Variants in MAN1C1 observed in about 807,000 individuals in gnomAD.
MAN1C1 encodes mannosidase alpha class 1C member 1, also known as mannosyl-oligosaccharide 1,2-alpha-mannosidase IC.
In MAN1C1, 49 loss-of-function variants were observed where a neutral mutation model predicts 71.5. That is an observed-to-expected ratio of 0.69 (90% CI 0.54 to 0.87). MAN1C1 has a LOEUF of 0.87. Among genes scored for constraint, MAN1C1 ranks in the 40% least tolerant of loss-of-function variants. The probability of loss-of-function intolerance (pLI) is 0.00; values close to 1 mark genes in which losing one functional copy is unlikely to be tolerated. For missense variants in MAN1C1, 743 were observed against 835.0 expected, an observed-to-expected ratio of 0.89 and a Z score of 1.36; for synonymous variants, 352 against 343.7, an observed-to-expected ratio of 1.02 and a Z score of -0.27.
At chr1:25,643,462 G>A (rs1045415581) in intron 1 of MAN1C1, among the ~76,000 whole-genome samples, 12 of 139,564 alleles carry the variant, frequency 8.6e-5, no homozygotes, top group African/African-American at 3.3e-4. Flanking sequence ...GTAGAGATGG[G>A]ATTTCACTGT....
At chr1:25,674,408 GC>G (rs1207453250) in intron 1 of MAN1C1, among the ~76,000 whole-genome samples, 3 of 152,222 alleles carry the variant, frequency 2.0e-5, no homozygotes, top group African/African-American at 4.8e-5. Context: ...GTGCTAGGGA[GC>G]AGTAATGAGC....
At chr1:25,639,959 G>A (rs968771958) in intron 1 of MAN1C1, among the ~76,000 whole-genome samples, 1 of 152,174 alleles carries the variant, frequency 6.6e-6, no homozygotes, top group African/African-American at 2.4e-5. Context: ...TTGAATTTCA[G>A]TATATTATAA....
chr1:25,702,421 C>T (rs919907122), intron 2 of MAN1C1, among the ~76,000 whole-genome samples: 3 of 152,180 alleles, frequency 2.0e-5, no homozygotes, highest in Admixed American at 2.0e-4. Flanking sequence ...CTCTGAGGGT[C>T]GGGGCTGCAG....
At position 25,771,760 on chromosome 1, in the gene MAN1C1, C is replaced by T. The variant is rs573023765; in HGVS notation, c.1245C>T (p.Tyr415=). 75 of 1,612,964 alleles carry T rather than the reference C, an allele frequency of 4.6e-5. No homozygotes were observed. In the Middle Eastern group the frequency reaches 3.3e-3, roughly 71 times the overall value. The part of the protein sequence containing the change: ...KTDMEAKNMY[Y]EALEAIETYL... ...ATATGGAGGCTAAAAATATGTACTACGAAGCCTTGGAGGTAAGACAAGCCC... is the reference window on the plus strand; with the variant it reads ...ATATGGAGGCTAAAAATATGTACTATGAAGCCTTGGAGGTAAGACAAGCCC... The change falls in exon 8 of 12, where the codon TAC becomes TAT. Residue 415 remains tyrosine, a synonymous_variant. Transcript: ENST00000374332.
intron 2 of MAN1C1, among the ~76,000 whole-genome samples, chr1:25,701,204 C>T (rs987107684): frequency 6.6e-6 from 1 of 152,196 alleles, no homozygotes; most frequent in Non-Finnish European, 1.5e-5. Context: ...TGGCTTCCTC[C>T]CCAGCCCAGG....
chr1:25,780,049 G>A (rs1476240477), intron 9 of MAN1C1, among the ~76,000 whole-genome samples: 1 of 152,144 alleles, frequency 6.6e-6, no homozygotes, highest in Non-Finnish European at 1.5e-5. Context: ...GACACATCCA[G>A]GGTCAAGTCC....
At chr1:25,681,576 T>TG (rs2046155157) in intron 1 of MAN1C1, among the ~76,000 whole-genome samples, 2 of 152,208 alleles carry the variant, frequency 1.3e-5, no homozygotes, top group Admixed American at 1.3e-4. Context: ...AGACACCAGC[T>TG]GAGGACCCAC....
chr1:25,775,676 AAGTGAC>A lies in MAN1C1; in HGVS notation c.1258-2427_1258-2422del, dbSNP rs1160053783. Among the ~76,000 whole-genome samples, 1 of 152,194 alleles carries A rather than the reference AAGTGAC, an allele frequency of 6.6e-6. No homozygotes were observed. The highest frequency in any genetic ancestry group is 2.4e-5 in the African/African-American group (1 of 41,456). On this transcript the variant is annotated intron_variant, in intron 8 of 11. Transcript: ENST00000374332. This position sits in a 1 kb window ranked among gnomAD's most constrained non-coding sequence, Gnocchi z 5.1. ...TTAAATTGGGGCATTCTCTCCAAGG[AAGTGAC>A]ATTCTGGAGGAGGTGGGGTTAGCAG...
chr1:25,773,568 T>G (rs1230872318), intron 8 of MAN1C1, among the ~76,000 whole-genome samples: 1 of 152,200 alleles, frequency 6.6e-6, no homozygotes, highest in Non-Finnish European at 1.5e-5. Context: ...GGTCAGAGAA[T>G]TAGTGTGCAG....
intron 2 of MAN1C1, among the ~76,000 whole-genome samples, chr1:25,738,496 G>A (rs2047013906): frequency 6.6e-6 from 1 of 152,148 alleles, no homozygotes; most frequent in Non-Finnish European, 1.5e-5. Flanking sequence ...AAACTTGGGG[G>A]CTTAAAACAA....
At chr1:25,770,019 C>T (rs1572209785) in intron 7 of MAN1C1, among the ~76,000 whole-genome samples, 2 of 152,260 alleles carry the variant, frequency 1.3e-5, no homozygotes, top group South Asian at 4.1e-4. Context: ...TCGTAGCTGC[C>T]GTGCCCATGA....
At position 25,782,793 on chromosome 1, in the gene MAN1C1, C is replaced by G; in HGVS notation, c.1766+93C>G. On this transcript the variant is annotated intron_variant, in intron 11 of 11. Transcript: ENST00000374332. This position sits in a 1 kb window ranked among gnomAD's most constrained non-coding sequence, Gnocchi z 4.4. ...CCCCTCCACAGTCAGGTTCTGTGGTCACAGGACGGGAGCCCAAAAGGGGTG... is the reference window on the plus strand; with the variant it reads ...CCCCTCCACAGTCAGGTTCTGTGGTGACAGGACGGGAGCCCAAAAGGGGTG... 1 of 971,954 alleles carries G rather than the reference C, an allele frequency of 1.0e-6. No homozygotes were observed. Among genetic ancestry groups the G allele is most frequent in the Non-Finnish European group, 1.6e-6 (1 of 618,574 alleles). The allele number at this position is 971,954 out of a possible 1,614,324, so 60.2% of individuals were successfully genotyped here. A position where few individuals can be genotyped will look rare whatever the true frequency, so the allele number is the denominator to read the frequency against.
chr1:25,640,469 A>G (rs2045521842), intron 1 of MAN1C1, among the ~76,000 whole-genome samples: 7 of 152,204 alleles, frequency 4.6e-5, no homozygotes. Flanking sequence ...CCCAGAAGCC[A>G]TTCTCCATGT....
intron 5 of MAN1C1, among the ~76,000 whole-genome samples, chr1:25,755,741 C>T (rs1200309622): frequency 1.3e-5 from 2 of 152,164 alleles, no homozygotes; most frequent in East Asian, 3.9e-4. Flanking sequence ...TTGATGATTA[C>T]ACCATACTCA....
intron 1 of MAN1C1, among the ~76,000 whole-genome samples, chr1:25,678,734 C>T (rs796898949): frequency 2.0e-5 from 3 of 152,214 alleles, no homozygotes; most frequent in African/African-American, 7.2e-5. Flanking sequence ...GATGAACCCA[C>T]TTTCTAAGCT....
At chr1:25,715,337 C>A (rs530039380) in intron 2 of MAN1C1, among the ~76,000 whole-genome samples, 1 of 152,182 alleles carries the variant, frequency 6.6e-6, no homozygotes, top group African/African-American at 2.4e-5. Flanking sequence ...GCAGTTCTAC[C>A]TCAAGCAGAA....
intron 1 of MAN1C1, among the ~76,000 whole-genome samples, chr1:25,628,990 G>A (rs988102843): frequency 2.6e-5 from 4 of 151,980 alleles, no homozygotes; most frequent in African/African-American, 7.2e-5. Context: ...TTATCCACTC[G>A]TTGGCCAATG....
rs1432729091 is a variant in MAN1C1 at position 25,771,783 on chromosome 1, C to T, written c.1257+11C>T. ...TACGAAGCCTTGGAGGTAAGACAAG[C>T]CCTGGATTATTCACAGGCCGCTGGT... On this transcript the variant is annotated intron_variant, in intron 8 of 11. Transcript: ENST00000374332. 1 of 1,600,358 alleles carries T rather than the reference C, an allele frequency of 6.2e-7. No individual in the cohort carries two copies. The highest frequency in any genetic ancestry group is 8.6e-7 in the Non-Finnish European group (1 of 1,167,588).
rs1393552011 is a variant in MAN1C1 at position 25,775,896 on chromosome 1, T to G, written c.1258-2209T>G. 1 of 152,650 alleles carries G rather than the reference T, an allele frequency of 6.6e-6. No homozygotes were observed. The highest frequency in any genetic ancestry group is 1.5e-5 in the Non-Finnish European group (1 of 68,390). 9.5% of individuals were successfully genotyped at this position (152,650 alleles called of 1,614,324 possible). Reference sequence around the variant, plus strand: ...TGTTTTCTTGGGTTTTTTGTTTGTTTGTTTTTTTATGACAGAGTCTCACTC... The same window carrying G: ...TGTTTTCTTGGGTTTTTTGTTTGTTGGTTTTTTTATGACAGAGTCTCACTC... On this transcript the variant is annotated intron_variant, in intron 8 of 11. Coordinates refer to ENST00000374332, the MANE Select transcript of MAN1C1 (RefSeq NM_020379.4). This position sits in a 1 kb window ranked among gnomAD's most constrained non-coding sequence, Gnocchi z 5.1.
Sources: gnomAD v4.1 joint callset for allele counts (sites outside exome capture counted in the v4.1 genomes callset) on GRCh38, gnomAD v4.1.1 for gene constraint, Gnocchi (gnomAD v3.1) non-coding constraint, MANE v1.5 for transcripts, NCBI Gene and HGNC (gene_info 2026-07-23, HGNC 2026-07-21) for gene names.